IGSF9B: variants seen among roughly 807,000 people sequenced by gnomAD.
IGSF9B encodes immunoglobulin superfamily member 9B.
A neutral mutation model predicts 143.7 loss-of-function variants in IGSF9B; 48 were observed. That is an observed-to-expected ratio of 0.33 (90% CI 0.26 to 0.42). The LOEUF (loss-of-function observed/expected upper bound fraction) is 0.42. Ranked by LOEUF, IGSF9B falls within the 20% of genes least tolerant of loss-of-function variation. The pLI is 1.00. For missense variants in IGSF9B, 1,706 were observed against 1,980.0 expected, an observed-to-expected ratio of 0.86 and a Z score of 2.63; for synonymous variants, 903 against 833.1, an observed-to-expected ratio of 1.08 and a Z score of -1.44.
In IGSF9B at chr11:133,937,501, C is replaced by G; in HGVS notation, c.562-8G>C. 6.2e-7 allele frequency: 1 copy of G among 1,609,746 alleles called. No homozygotes were observed. Among genetic ancestry groups the G allele is most frequent in the Non-Finnish European group, 8.5e-7 (1 of 1,176,776 alleles). The stretch of plus-strand genomic sequence containing the variant: ...CAGGCTGCCGTCACTCACCTGGGAG[C>G]CCAAAACAGAGGGAGCTCAGCACCC... On this transcript the variant is annotated splice_region_variant and splice_polypyrimidine_tract_variant and intron_variant, in intron 4 of 19. Coordinates refer to ENST00000533871, the MANE Select transcript of IGSF9B (RefSeq NM_001277285.4).
At chr11:133,911,817 C>T (rs1055548508) in intron 19 of IGSF9B, 69 bp downstream of exon 19, 3 of 1,412,834 alleles carry the variant, frequency 2.1e-6, no homozygotes, top group East Asian at 5.2e-5. Context: ...ACAACGGCAG[C>T]CCAATAACCC....
In IGSF9B at chr11:133,913,042, CT is replaced by C. The variant is rs1354258169; in HGVS notation, c.3984-1036del. 3.9e-5 allele frequency among the ~76,000 whole-genome samples: 6 copies of C among 152,280 alleles called. No homozygotes were observed. Among genetic ancestry groups the C allele is most frequent in the Non-Finnish European group, 7.4e-5 (5 of 68,020 alleles). ...AGACATGTTCTCAATGCCATTTCTT[CT>C]CAAAGTAACCCAACTCGGAGCCTGA... is the stretch of plus-strand genomic sequence containing the variant. On this transcript the variant is annotated intron_variant, in intron 18 of 19. Transcript: ENST00000533871. The surrounding 1 kb of genome is among the most constrained non-coding windows in gnomAD (Gnocchi z 4.6).
intron 2 of IGSF9B, 30 bp downstream of exon 2, chr11:133,946,031 G>A (rs772646782): frequency 6.2e-6 from 9 of 1,462,966 alleles, no homozygotes; most frequent in Non-Finnish European, 8.3e-6. Context: ...AGCTGGGGAA[G>A]GTGCGGGAGA....
At chr11:133,919,118 C>T (rs1442915723) in intron 18 of IGSF9B, 8 of 68,470 alleles carry the variant, frequency 1.2e-4, no homozygotes, top group Admixed American at 1.8e-4. Context: ...GCGAGGTATA[C>T]GGGGGGGGGG....
rs2121258801 is a variant in IGSF9B at position 133,904,602 on chromosome 11, A to G, written c.*4467T>C. On this transcript the variant is annotated 3_prime_UTR_variant, in exon 20 of 20. Transcript: ENST00000533871. ...ACCACTCCCCAGCCAGATGCCCACC[A>G]GGCAATCATTCTTCGTCATCTTGGG... Among the ~76,000 whole-genome samples the G allele has an allele frequency of 6.6e-6, 1 of 151,894 alleles. No individual in the cohort carries two copies. Among genetic ancestry groups the G allele is most frequent in the East Asian group, 2.0e-4 (1 of 5,116 alleles).
chr11:133,912,032 C>T (rs1368237266), intron 18 of IGSF9B, 25 bp from the exon 19 acceptor site: 68 of 1,503,048 alleles, frequency 4.5e-5, no homozygotes, highest in Non-Finnish European at 5.7e-5. Flanking sequence ...CAGAGAGCCA[C>T]AATTCAGCTC....
intron 3 of IGSF9B, among the ~76,000 whole-genome samples, chr11:133,940,623 T>C (rs189228191): frequency 0.016 from 1,039 of 66,764 alleles, 10 homozygotes; most frequent in Non-Finnish European, 0.022. Context: ...ACATACACCT[T>C]GCACGTCCTC....
At position 133,908,211 on chromosome 11, in the gene IGSF9B, C is replaced by T. The variant is rs1939240850; in HGVS notation, c.*858G>A. On this transcript the variant is annotated 3_prime_UTR_variant, in exon 20 of 20. Coordinates refer to ENST00000533871, the MANE Select transcript of IGSF9B (RefSeq NM_001277285.4). ...GCGGCTGAGTTAGCCTCTACTCCTG[C>T]AGCGTGAGCCACGCTGGAAGGAAGA... Among the ~76,000 whole-genome samples the T allele has an allele frequency of 6.6e-6, 1 of 152,218 alleles. No individual in the cohort carries two copies. Among genetic ancestry groups the T allele is most frequent in the South Asian group, 2.1e-4 (1 of 4,830 alleles).
rs1273934542 is a variant in IGSF9B, at chr11:133,932,351, G to C, written c.968-138C>G. On this transcript the variant is annotated intron_variant, in intron 7 of 19. Transcript: ENST00000533871. ...GGGAGAGCAGACAGACAGACAGACA[G>C]ACACAGGGACAGACAGACAGACACG... 6 of 851,020 alleles carry C rather than the reference G, an allele frequency of 7.1e-6. No homozygotes were observed. The African/African-American group carries it at 8.7e-5, about 12-fold the overall frequency. The allele number at this position is 851,020 out of a possible 1,614,324, so 52.7% of individuals were successfully genotyped here. A position where few individuals can be genotyped will look rare whatever the true frequency, so the allele number is the denominator to read the frequency against.
intron 1 of IGSF9B, among the ~76,000 whole-genome samples, chr11:133,950,298 G>A (rs1043591374): frequency 2.6e-5 from 4 of 152,228 alleles, no homozygotes; most frequent in Non-Finnish European, 5.9e-5. Flanking sequence ...GAGCAGGGCC[G>A]GGCGAGCATC....
intron 4 of IGSF9B, 130 bp from the exon 5 acceptor site, chr11:133,937,623 G>A (rs146371753): frequency 0.017 from 17,293 of 991,652 alleles, 220 homozygotes; most frequent in South Asian, 0.03. Context: ...TGGGGGACAC[G>A]AAGGGCAGGT....
At chr11:133,919,677 A>G in intron 18 of IGSF9B, 65 bp downstream of exon 18, 2 of 1,056,726 alleles carry the variant, frequency 1.9e-6, no homozygotes, top group Non-Finnish European at 2.6e-6. Flanking sequence ...GGTGGAGGGC[A>G]GGGCGAGGCG....
chr11:133,947,110 A>G (rs1310455750), intron 1 of IGSF9B, among the ~76,000 whole-genome samples: 1 of 152,060 alleles, frequency 6.6e-6, no homozygotes, highest in Admixed American at 6.5e-5. Context: ...GGCAGCAGAG[A>G]GGGCGAGCAA....
intron 13 of IGSF9B, among the ~76,000 whole-genome samples, chr11:133,926,244 T>C (rs1038062951): frequency 2.6e-5 from 4 of 152,232 alleles, no homozygotes; most frequent in African/African-American, 9.6e-5. Context: ...GGATATCTTC[T>C]TTCTCACAGC....
At position 133,902,102 on chromosome 11, in the gene IGSF9B, T is replaced by C. The variant is rs940654780; in HGVS notation, c.*6967A>G. Reference sequence around the variant, plus strand: ...CACCACATACAATACACAAAACACATAGCACACACACACACCACACACAGT... The same window carrying C: ...CACCACATACAATACACAAAACACACAGCACACACACACACCACACACAGT... On this transcript the variant is annotated 3_prime_UTR_variant, in exon 20 of 20. Transcript: ENST00000533871. 8.6e-6 allele frequency among the ~76,000 whole-genome samples: 1 copy of C among 116,570 alleles called. No homozygotes were observed. Among genetic ancestry groups the C allele is most frequent in the African/African-American group, 3.4e-5 (1 of 29,472 alleles). 76.5% of individuals were successfully genotyped at this position (116,570 alleles called of 152,430 possible).
Position 133,932,241 on chromosome 11 carries a change from GCAGA to G in IGSF9B, c.968-32_968-29del, listed in dbSNP as rs540703105. On this transcript the variant is annotated intron_variant, in intron 7 of 19. Coordinates refer to ENST00000533871, the MANE Select transcript of IGSF9B (RefSeq NM_001277285.4). ...GCATAGAGGAAGCGCAGGTGAGAGA[GCAGA>G]CAGACAGACACAGGGACAGACAGAC... is the stretch of plus-strand genomic sequence containing the variant. 1.4e-4 allele frequency: 213 copies of G among 1,537,250 alleles called. 1 individual carries two copies. In the African/African-American group the frequency reaches 1.5e-3, roughly 11 times the overall value.
In IGSF9B at chr11:133,925,957, T is replaced by C. The variant is rs1939617480; in HGVS notation, c.1816A>G (p.Ile606Val). The C allele has an allele frequency of 6.3e-7, 1 of 1,598,590 alleles. No homozygotes were observed. The highest frequency in any genetic ancestry group is 2.3e-5 in the East Asian group (1 of 44,128). Reference sequence around the variant, plus strand: ...AGCACCAGGGGTTCTGGAGTTGTAATAGGGAATGCTGCGGCGGGGGAAGGA... The same window carrying C: ...AGCACCAGGGGTTCTGGAGTTGTAACAGGGAATGCTGCGGCGGGGGAAGGA... ...VVTVNTLAFPITTPEPLVLVT... is the reference protein window; with the variant it reads ...VVTVNTLAFPVTTPEPLVLVT... The change falls in exon 14 of 20, where the codon ATT (isoleucine) becomes GTT (valine). Residue 606 changes from isoleucine to valine, a missense_variant. By Grantham distance (29) the Ile-to-Val change is conservative. Around this residue, in one of 7 missense-constraint regions of IGSF9B, gnomAD observed 267 missense variants for 321.1 expected, o/e 0.83. Coordinates refer to ENST00000533871, the MANE Select transcript of IGSF9B (RefSeq NM_001277285.4).
At chr11:133,956,057 C>A (rs920190619) in intron 1 of IGSF9B, among the ~76,000 whole-genome samples, 2 of 152,086 alleles carry the variant, frequency 1.3e-5, no homozygotes, top group Non-Finnish European at 2.9e-5. Flanking sequence ...CAGCCAAAAG[C>A]GGACACACCT....
At chr11:133,923,756 T>C in intron 15 of IGSF9B, among the ~76,000 whole-genome samples, 1 of 152,208 alleles carries the variant, frequency 6.6e-6, no homozygotes, top group East Asian at 1.9e-4. Context: ...CTCCTTCCCC[T>C]GTGTGGAAGT....
Sources: gnomAD v4.1 joint callset for allele counts (sites outside exome capture counted in the v4.1 genomes callset) on GRCh38, gnomAD v4.1.1 for gene constraint, gnomAD v4.1.1 regional missense constraint, Gnocchi (gnomAD v3.1) non-coding constraint, MANE v1.5 for transcripts, NCBI Gene and HGNC (gene_info 2026-07-23, HGNC 2026-07-21) for gene names.